TCF7L2: variants seen among roughly 807,000 people sequenced by gnomAD.
The protein encoded by TCF7L2 is transcription factor 7 like 2, also known as transcription factor 7-like 2.
TCF7L2 carries 23 observed loss-of-function variants against 77.9 expected under a neutral mutation model. That is an observed-to-expected ratio of 0.30 (90% CI 0.21 to 0.42). TCF7L2 has a LOEUF of 0.42. Ranked by LOEUF, TCF7L2 falls within the 10% of genes least tolerant of loss-of-function variation. The probability of loss-of-function intolerance (pLI) is 1.00; values close to 1 mark genes in which losing one functional copy is unlikely to be tolerated. For missense variants in TCF7L2, 654 were observed against 793.1 expected (o/e 0.82, Z 2.11); for synonymous variants, 413 against 340.2 (o/e 1.21, Z -2.36).
At position 112,964,574 on chromosome 10, in the gene TCF7L2, A is replaced by G. The variant is rs1187203175; in HGVS notation, c.400A>G (p.Ser134Gly). 3.1e-6 allele frequency: 5 copies of G among 1,613,416 alleles called. No individual in the cohort carries two copies. The highest frequency in any genetic ancestry group is 3.4e-6 in the Non-Finnish European group (4 of 1,179,556). Residue 134 changes from serine (S) to glycine (G), a missense_variant, in exon 4 of 14, where the codon AGC (serine) becomes GGC (glycine). Transcript: ENST00000627217. ...TCTACAGCTCCATTTTCAGTCCGGCAGCACACATTACTCTGCGTACAAAAC... is the reference window on the plus strand; with the variant it reads ...TCTACAGCTCCATTTTCAGTCCGGCGGCACACATTACTCTGCGTACAAAAC...
At chr10:113,064,194 T>G (rs1416553749) in intron 5 of TCF7L2, among the ~76,000 whole-genome samples, 2 of 152,168 alleles carry the variant, frequency 1.3e-5, no homozygotes, top group Admixed American at 1.3e-4. Context: ...GAGGTGTTTA[T>G]TCTTTCACTC....
chr10:113,130,130 G>C (rs964957191), intron 5 of TCF7L2: 1 of 681,672 alleles, frequency 1.5e-6, no homozygotes, highest in East Asian at 1.2e-4. Flanking sequence ...AAGAATAAAT[G>C]GTCAACTCAA....
At chr10:113,016,923 C>T (rs1051579128) in intron 4 of TCF7L2, among the ~76,000 whole-genome samples, 2 of 152,176 alleles carry the variant, frequency 1.3e-5, no homozygotes, top group Non-Finnish European at 2.9e-5. Flanking sequence ...GTTCTCTAAA[C>T]TTGCTGGTGT....
intron 4 of TCF7L2, among the ~76,000 whole-genome samples, chr10:113,037,933 G>A (rs2051639738): frequency 6.6e-6 from 1 of 152,184 alleles, no homozygotes. Context: ...GAGTGGTTTT[G>A]ACCAATGCAG....
chr10:113,157,897 G>T (rs1195930144), intron 11 of TCF7L2, 124 bp from the exon 12 acceptor site: 1 of 993,396 alleles, frequency 1.0e-6, no homozygotes, highest in Non-Finnish European at 1.5e-6. Flanking sequence ...AAATACCGGG[G>T]GTTTGTGTGG....
In TCF7L2 at chr10:112,965,994, T is replaced by C. The variant is rs568952601; in HGVS notation, c.450+1370T>C. ...TTCGAGACCAGCCTGGCCAACATGG[T>C]GAAACCCCATCTCTACTAAAAAATG... On this transcript the variant is annotated intron_variant, in intron 4 of 13. Transcript: ENST00000627217. Among the ~76,000 whole-genome samples the C allele has an allele frequency of 1.9e-3, 290 of 151,240 alleles. 2 individuals carry two copies. The highest frequency in any genetic ancestry group is 6.9e-3 in the African/African-American group (284 of 41,012).
intron 3 of TCF7L2, among the ~76,000 whole-genome samples, chr10:112,960,596 A>G (rs1000368378): frequency 5.3e-5 from 8 of 152,072 alleles, no homozygotes; most frequent in African/African-American, 1.2e-4. Flanking sequence ...GAGAGCAGCC[A>G]TGTTTGCCGG....
intron 4 of TCF7L2, among the ~76,000 whole-genome samples, chr10:113,031,971 C>G (rs2050300919): frequency 6.6e-6 from 1 of 152,164 alleles, no homozygotes; most frequent in South Asian, 2.1e-4. Flanking sequence ...AGATCATGTT[C>G]CTCATTTCTT....
chr10:113,089,815 G>C (rs930283767), intron 5 of TCF7L2, among the ~76,000 whole-genome samples: 1 of 152,192 alleles, frequency 6.6e-6, no homozygotes, highest in African/African-American at 2.4e-5. Flanking sequence ...TCGTGATCCA[G>C]TGCCACACGT....
At chr10:113,116,122 A>G (rs963120366) in intron 5 of TCF7L2, among the ~76,000 whole-genome samples, 1 of 152,206 alleles carries the variant, frequency 6.6e-6, no homozygotes, top group African/African-American at 2.4e-5. Context: ...TAGGAGCAGA[A>G]AAACTGGATT....
intron 5 of TCF7L2, among the ~76,000 whole-genome samples, chr10:113,079,428 GT>G (rs1199400361): frequency 2.6e-5 from 4 of 152,170 alleles, no homozygotes; most frequent in African/African-American, 9.7e-5. Flanking sequence ...CTGCAGGGCT[GT>G]TTTTGGCATT....
At chr10:112,974,358 G>T (rs538569593) in intron 4 of TCF7L2, among the ~76,000 whole-genome samples, 1 of 152,176 alleles carries the variant, frequency 6.6e-6, no homozygotes, top group African/African-American at 2.4e-5. Flanking sequence ...AACAACTGTC[G>T]TATCAGCCAT....
At chr10:113,008,650 G>A (rs2045967505) in intron 4 of TCF7L2, among the ~76,000 whole-genome samples, 1 of 152,202 alleles carries the variant, frequency 6.6e-6, no homozygotes, top group Non-Finnish European at 1.5e-5. Flanking sequence ...TAGGTTTGAT[G>A]TGCTACTTAT....
chr10:113,000,615 A>G (rs2044298754), intron 4 of TCF7L2, among the ~76,000 whole-genome samples: 2 of 152,198 alleles, frequency 1.3e-5, no homozygotes, highest in African/African-American at 2.4e-5. Flanking sequence ...GCTTTCCTGG[A>G]CAGCGAAAGC....
At position 113,088,793 on chromosome 10, in the gene TCF7L2, C is replaced by CA. The variant is rs894317616; in HGVS notation, c.552+48674dup. Among the ~76,000 whole-genome samples, 34 of 150,792 alleles carry CA rather than the reference C, an allele frequency of 2.3e-4. 1 individual carries two copies. The highest frequency in any genetic ancestry group is 6.4e-4 in the African/African-American group (26 of 40,658). ...GCAACATAGCAAGATTCTGCCTCCA[C>CA]AAAAAAATAAAATAAAAATAAAAAG... On this transcript the variant is annotated intron_variant, in intron 5 of 13. Transcript: ENST00000627217.
chr10:113,109,435 A>C lies in TCF7L2; in HGVS notation c.553-31749A>C, dbSNP rs558479732. On this transcript the variant is annotated intron_variant, in intron 5 of 13. Transcript: ENST00000627217. ...AGGACAGGCTCTGGCTCTGTCGCCC[A>C]GGCTGGAGTGCAGTGGTGCAATCAA... Among the ~76,000 whole-genome samples, 3 of 152,300 alleles carry C rather than the reference A, an allele frequency of 2.0e-5. No individual in the cohort carries two copies. In the South Asian group the frequency reaches 6.2e-4, roughly 32 times the overall value.
chr10:113,108,897 G>A (rs150550707), intron 5 of TCF7L2, among the ~76,000 whole-genome samples: 1 of 152,170 alleles, frequency 6.6e-6, no homozygotes, highest in Non-Finnish European at 1.5e-5. Context: ...TTTGCCATAT[G>A]GTCTTTCAGA....
chr10:113,107,155 C>G (rs1186571347), intron 5 of TCF7L2, among the ~76,000 whole-genome samples: 1 of 152,156 alleles, frequency 6.6e-6, no homozygotes, highest in Non-Finnish European at 1.5e-5. Context: ...TAATGTTAAA[C>G]TGGGCCTGGA....
At chr10:113,156,181 C>A (rs1432290084) in intron 11 of TCF7L2, among the ~76,000 whole-genome samples, 2 of 147,606 alleles carry the variant, frequency 1.4e-5, no homozygotes, top group Non-Finnish European at 3.0e-5. Context: ...GTAGCACGAT[C>A]TCAGCTCACT....
Sources: allele counts gnomAD v4.1 joint callset (sites outside exome capture counted in the v4.1 genomes callset), GRCh38; gene constraint gnomAD v4.1.1; transcripts MANE v1.5; gene names NCBI Gene and HGNC (gene_info 2026-07-23, HGNC 2026-07-21).